Variants in GABRB1 observed in about 807,000 individuals in gnomAD.
GABRB1 encodes the protein gamma-aminobutyric acid type A receptor subunit beta1.
Under a neutral mutation model 51.6 loss-of-function variants are expected in GABRB1, and 17 were observed. The observed-to-expected ratio is 0.33, with a 90% CI of 0.23 to 0.49. The LOEUF (loss-of-function observed/expected upper bound fraction) is 0.49. Among genes scored for constraint, GABRB1 ranks in the 20% least tolerant of loss-of-function variants. The pLI is 0.99. For missense variants in GABRB1, 410 were observed against 600.6 expected, an observed-to-expected ratio of 0.68 and a Z score of 3.32; for synonymous variants, 247 against 218.9, an observed-to-expected ratio of 1.13 and a Z score of -1.14.
chr4:47,160,352 A>C (rs764920170), intron 3 of GABRB1, among the ~76,000 whole-genome samples: 2 of 152,172 alleles, frequency 1.3e-5, no homozygotes, highest in Non-Finnish European at 2.9e-5. Flanking sequence ...CAGACCAAAT[A>C]AACATCTCCA....
chr4:47,140,646 CT>C (rs1355195576), intron 3 of GABRB1, among the ~76,000 whole-genome samples: 3 of 151,832 alleles, frequency 2.0e-5, no homozygotes, highest in Admixed American at 2.0e-4. Context: ...TTTCCTACTA[CT>C]TTTTTTCCTA....
chr4:47,370,757 T>C (rs867008284), intron 5 of GABRB1, among the ~76,000 whole-genome samples: 4 of 152,154 alleles, frequency 2.6e-5, no homozygotes, highest in Non-Finnish European at 4.4e-5. Context: ...TTACAGTAAG[T>C]AGTTGCCTCT....
At chr4:47,379,969 T>C (rs1189140786) in intron 5 of GABRB1, among the ~76,000 whole-genome samples, 1 of 152,194 alleles carries the variant, frequency 6.6e-6, no homozygotes, top group African/African-American at 2.4e-5. Context: ...GATATGGTCA[T>C]GTACGTAAAA....
At chr4:47,375,862 C>T (rs1727357093) in intron 5 of GABRB1, among the ~76,000 whole-genome samples, 1 of 152,250 alleles carries the variant, frequency 6.6e-6, no homozygotes, top group Admixed American at 6.5e-5. Flanking sequence ...GGATAACTCC[C>T]AAAGGTGACT....
chr4:47,176,617 T>A (rs1272569242), intron 4 of GABRB1, among the ~76,000 whole-genome samples: 1 of 152,002 alleles, frequency 6.6e-6, no homozygotes, highest in Non-Finnish European at 1.5e-5. Context: ...TTGGAGTAAT[T>A]AGTATATAAT....
intron 1 of GABRB1, among the ~76,000 whole-genome samples, chr4:47,006,972 T>A (rs187180088): frequency 6.6e-6 from 1 of 151,924 alleles, no homozygotes; most frequent in Non-Finnish European, 1.5e-5. Context: ...CTGGGCAACA[T>A]GGCAAAGCCT....
intron 4 of GABRB1, among the ~76,000 whole-genome samples, chr4:47,311,873 C>A (rs1199005336): frequency 6.6e-6 from 1 of 152,046 alleles, no homozygotes; most frequent in African/African-American, 2.4e-5. Context: ...TTGTGGGAGT[C>A]CAATGCCCTC....
chr4:47,246,581 T>C (rs1020974745), intron 4 of GABRB1, among the ~76,000 whole-genome samples: 26 of 151,042 alleles, frequency 1.7e-4, no homozygotes, highest in African/African-American at 5.8e-4. Context: ...AGTTCTACTT[T>C]TAGTTCTTTG....
intron 1 of GABRB1, among the ~76,000 whole-genome samples, chr4:46,997,396 T>TTA: frequency 6.6e-6 from 1 of 150,606 alleles, no homozygotes; most frequent in Non-Finnish European, 1.5e-5. Context: ...ATGTTGTACA[T>TTA]TAGATCTTAT....
chr4:47,094,988 C>T (rs1239345420), intron 3 of GABRB1, among the ~76,000 whole-genome samples: 1 of 151,632 alleles, frequency 6.6e-6, no homozygotes, highest in Non-Finnish European at 1.5e-5. Flanking sequence ...AGAAAGAAAA[C>T]AAAATGTCAG....
intron 4 of GABRB1, among the ~76,000 whole-genome samples, chr4:47,284,221 C>CTGCAT (rs1385038238): frequency 6.6e-6 from 1 of 151,610 alleles, no homozygotes; most frequent in African/African-American, 2.4e-5. Flanking sequence ...TGGCTGAGGT[C>CTGCAT]TGCATGTTAG....
At chr4:47,222,862 G>A (rs987953779) in intron 4 of GABRB1, among the ~76,000 whole-genome samples, 10 of 152,010 alleles carry the variant, frequency 6.6e-5, no homozygotes, top group African/African-American at 2.4e-4. Flanking sequence ...AAAGAACTCT[G>A]CAGTTTCTTT....
At chr4:47,163,293 G>A (rs1242036647) in intron 4 of GABRB1, among the ~76,000 whole-genome samples, 1 of 151,950 alleles carries the variant, frequency 6.6e-6, no homozygotes, top group Admixed American at 6.6e-5. Context: ...TTTCTCTAAA[G>A]TAGTTGTGCC....
chr4:47,269,902 C>T (rs865854815), intron 4 of GABRB1, among the ~76,000 whole-genome samples: 2 of 148,462 alleles, frequency 1.3e-5, no homozygotes, highest in Non-Finnish European at 3.0e-5. Context: ...CTTAACAAAC[C>T]TGATGCTCTA....
At chr4:47,185,750 G>A (rs1337086787) in intron 4 of GABRB1, among the ~76,000 whole-genome samples, 2 of 151,846 alleles carry the variant, frequency 1.3e-5, no homozygotes, top group African/African-American at 4.8e-5. Flanking sequence ...GTAATTGTAT[G>A]TAAAGCATCT....
At chr4:47,156,161 G>A (rs377557034) in intron 3 of GABRB1, among the ~76,000 whole-genome samples, 2 of 151,602 alleles carry the variant, frequency 1.3e-5, no homozygotes, top group Non-Finnish European at 2.9e-5. Context: ...GTTTTCTGTA[G>A]TCGCTGTACT....
At chr4:47,285,834 A>G (rs546707613) in intron 4 of GABRB1, among the ~76,000 whole-genome samples, 1 of 152,248 alleles carries the variant, frequency 6.6e-6, no homozygotes, top group East Asian at 1.9e-4. Flanking sequence ...TTGAAGACCC[A>G]TTTTTCACCC....
chr4:47,188,378 T>C (rs967527868), intron 4 of GABRB1, among the ~76,000 whole-genome samples: 1 of 151,982 alleles, frequency 6.6e-6, no homozygotes, highest in African/African-American at 2.4e-5. Flanking sequence ...ACTGTCTAGA[T>C]TGATAACCAT....
In GABRB1 at chr4:47,034,791, T is replaced by C. The variant is rs139945588; in HGVS notation, c.240+2307T>C. Among the ~76,000 whole-genome samples, 206 of 152,256 alleles carry C rather than the reference T, an allele frequency of 1.4e-3. 6 individuals are homozygous for C. The East Asian group carries it at 0.037, about 27-fold the overall frequency. On this transcript the variant is annotated intron_variant, in intron 3 of 8. Coordinates refer to ENST00000295454, the MANE Select transcript of GABRB1 (RefSeq NM_000812.4). Reference sequence around the variant, plus strand: ...GGGTTCTGTATAAACACAACTCAGATGGTTAGCCCGCACCCCCAAAAGAGA... The same window carrying C: ...GGGTTCTGTATAAACACAACTCAGACGGTTAGCCCGCACCCCCAAAAGAGA...
Sources: allele counts gnomAD v4.1 joint callset (sites outside exome capture counted in the v4.1 genomes callset), GRCh38; gene constraint gnomAD v4.1.1; transcripts MANE v1.5; gene names NCBI Gene and HGNC (gene_info 2026-07-23, HGNC 2026-07-21).